The following SGCD variants were observed in gnomAD, a reference collection of about 807,000 sequenced individuals.
SGCD encodes delta-sarcoglycan.
In SGCD, 18 loss-of-function variants were observed where a neutral mutation model predicts 36.6. The observed-to-expected ratio is 0.49, with a 90% CI of 0.34 to 0.73. The LOEUF is 0.73. Among genes scored for constraint, SGCD ranks in the 30% least tolerant of loss-of-function variants. The pLI is 0.01. For missense variants in SGCD, 387 were observed against 346.7 expected (o/e 1.12, Z -0.92); for synonymous variants, 133 against 130.6 (o/e 1.02, Z -0.12).
intron 1 of SGCD, among the ~76,000 whole-genome samples, chr5:156,104,373 A>G (rs1388029320): frequency 1.3e-5 from 2 of 152,200 alleles, no homozygotes; most frequent in African/African-American, 2.4e-5. Flanking sequence ...GATATGCCCA[A>G]GAGTATAGTA....
At chr5:156,213,752 A>G (rs909441133) in intron 3 of SGCD, among the ~76,000 whole-genome samples, 1 of 152,078 alleles carries the variant, frequency 6.6e-6, no homozygotes, top group Non-Finnish European at 1.5e-5. Flanking sequence ...TCAACAGCAC[A>G]TTAAAAGTCA....
intron 3 of SGCD, among the ~76,000 whole-genome samples, chr5:156,144,004 T>C (rs1762642954): frequency 6.6e-6 from 1 of 151,334 alleles, no homozygotes; most frequent in Non-Finnish European, 1.5e-5. Flanking sequence ...TTTTTTTCCT[T>C]GCGATAGTTT....
chr5:156,495,889 C>G (rs556929146), intron 3 of SGCD, among the ~76,000 whole-genome samples: 1 of 152,172 alleles, frequency 6.6e-6, no homozygotes, highest in Non-Finnish European at 1.5e-5. Flanking sequence ...CCACCAATGT[C>G]TCTTTTTAAA....
At chr5:155,749,123 G>A in the SGCD span, among the ~76,000 whole-genome samples, 3 of 152,196 alleles carry the variant, frequency 2.0e-5, no homozygotes, top group Admixed American at 6.5e-5. Flanking sequence ...AGTGATAGAT[G>A]TTACTGTCAT....
At position 156,200,747 on chromosome 5, in the gene SGCD, G is replaced by A. The variant is rs534441783; in HGVS notation, c.-44+76728G>A. Among the ~76,000 whole-genome samples, 16 of 152,128 alleles carry A rather than the reference G, an allele frequency of 1.1e-4. No homozygotes were observed. In the East Asian group the frequency reaches 1.4e-3, roughly 13 times the overall value. ...GCAATCCCACTTCTGAGTATATATCGCAAAGAATTCAAAGCAGAATCTCAA... is the reference window on the plus strand; with the variant it reads ...GCAATCCCACTTCTGAGTATATATCACAAAGAATTCAAAGCAGAATCTCAA... On this transcript the variant is annotated intron_variant, in intron 3 of 9. Coordinates refer to the SGCD transcript ENST00000517913.
At chr5:156,093,335 G>A (rs934190709) in intron 1 of SGCD, among the ~76,000 whole-genome samples, 2 of 152,092 alleles carry the variant, frequency 1.3e-5, no homozygotes, top group Admixed American at 6.5e-5. Flanking sequence ...CCATTAACTG[G>A]GAAGAGGCCA....
chr5:155,833,053 C>CAA, the SGCD span, among the ~76,000 whole-genome samples: 4,250 of 90,192 alleles, frequency 0.047, 178 homozygotes, highest in East Asian at 0.13. Flanking sequence ...ACTAAAAATA[C>CAA]GAAAAAAAAA....
intron 1 of SGCD, among the ~76,000 whole-genome samples, chr5:155,969,638 CAT>C: frequency 6.6e-6 from 1 of 152,206 alleles, no homozygotes; most frequent in Admixed American, 6.5e-5. Flanking sequence ...GTGTGTCTGA[CAT>C]AGGTAGCTTT....
intron 3 of SGCD, among the ~76,000 whole-genome samples, chr5:156,312,886 C>T (rs957940005): frequency 1.3e-5 from 2 of 152,112 alleles, no homozygotes; most frequent in Admixed American, 1.3e-4. Flanking sequence ...GTCTCAGCTC[C>T]CTATTTCTTA....
rs150537219 is a variant in SGCD, at chr5:156,500,774, G to A, written c.193-7827G>A. ...TCCCTAGGAGTCCTGGGCATGGGGC[G>A]GATCCTGGAACAGATCAGAAATGCC... is the stretch of plus-strand genomic sequence containing the variant. On this transcript the variant is annotated intron_variant, in intron 3 of 8. Coordinates refer to ENST00000337851, the MANE Select transcript of SGCD (RefSeq NM_000337.6). Among the ~76,000 whole-genome samples the A allele has an allele frequency of 2.9e-3, 444 of 152,228 alleles. 4 individuals are homozygous for A. The highest frequency in any genetic ancestry group is 9.3e-3 in the African/African-American group (387 of 41,540).
intron 1 of SGCD, among the ~76,000 whole-genome samples, chr5:155,925,266 G>T (rs1423488123): frequency 5.3e-5 from 8 of 152,002 alleles, no homozygotes; most frequent in Non-Finnish European, 8.8e-5. Context: ...CATTTCTTTT[G>T]GTTCGGGGAG....
the SGCD span, among the ~76,000 whole-genome samples, chr5:155,769,462 G>A: frequency 2.0e-5 from 3 of 152,026 alleles, no homozygotes; most frequent in Non-Finnish European, 4.4e-5. Context: ...ATTTGGAAGG[G>A]AGACTTGCAT....
chr5:156,322,322 G>A (rs889904803), upstream of SGCD, among the ~76,000 whole-genome samples: 1 of 152,142 alleles, frequency 6.6e-6, no homozygotes, highest in Non-Finnish European at 1.5e-5. Context: ...TTATATGCAT[G>A]TTCCTGTACT....
chr5:156,276,149 A>G (rs145917747), intron 3 of SGCD, among the ~76,000 whole-genome samples: 127 of 152,246 alleles, frequency 8.3e-4, no homozygotes, highest in African/African-American at 3.0e-3. Context: ...TCTATGATAC[A>G]ACCAGCTTAG....
rs1203570849 is a variant in SGCD at position 156,211,375 on chromosome 5, A to AG, written c.-44+87362dup. On this transcript the variant is annotated intron_variant, in intron 3 of 9. Transcript: ENST00000517913. ...GTAATCCCAGCACTTTGGGAGGCCG[A>AG]GGGGGGCGGATCACGTGGTCAGGAG... 3.3e-5 allele frequency among the ~76,000 whole-genome samples: 5 copies of AG among 152,260 alleles called. No homozygotes were observed. The South Asian group carries it at 8.3e-4, about 25-fold the overall frequency.
intron 2 of SGCD, among the ~76,000 whole-genome samples, chr5:156,121,788 A>G (rs1362444828): frequency 6.6e-6 from 1 of 152,102 alleles, no homozygotes; most frequent in Admixed American, 6.6e-5. Flanking sequence ...CCTTTACTTC[A>G]TACTTTTTAT....
chr5:156,027,343 A>C (rs960915623), intron 1 of SGCD, among the ~76,000 whole-genome samples: 1 of 152,194 alleles, frequency 6.6e-6, no homozygotes, highest in Non-Finnish European at 1.5e-5. Flanking sequence ...GGTATGAAGA[A>C]AGGGTTTAAA....
chr5:156,344,771 A>G, intron 3 of SGCD, 94 bp downstream of exon 3: 1 of 905,214 alleles, frequency 1.1e-6, no homozygotes, highest in East Asian at 2.6e-5. Context: ...ATATTATTAC[A>G]GTAGGACTCA....
At chr5:156,462,576 CTAACT>C (rs1337323391) in intron 3 of SGCD, among the ~76,000 whole-genome samples, 1 of 152,112 alleles carries the variant, frequency 6.6e-6, no homozygotes, top group African/African-American at 2.4e-5. Flanking sequence ...ATCAGATAAC[CTAACT>C]TATTAGAATT....
Sources: gnomAD v4.1 joint callset for allele counts (sites outside exome capture counted in the v4.1 genomes callset) on GRCh38, gnomAD v4.1.1 for gene constraint, MANE v1.5 for transcripts, NCBI Gene and HGNC (gene_info 2026-07-23, HGNC 2026-07-21) for gene names.